PIGU: variants seen among roughly 807,000 people sequenced by gnomAD.
PIGU encodes the protein phosphatidylinositol glycan anchor biosynthesis class U.
In PIGU, 24 loss-of-function variants were observed where a neutral mutation model predicts 49.9. The ratio of observed to expected loss-of-function variants is 0.48; its 90% CI spans 0.35 to 0.68. PIGU has a LOEUF of 0.68. Among genes scored for constraint, PIGU ranks in the 30% least tolerant of loss-of-function variants. The pLI, the probability that PIGU is intolerant of heterozygous loss-of-function variation, is 0.01. For missense variants in PIGU, 490 were observed against 532.6 expected, an observed-to-expected ratio of 0.92 and a Z score of 0.79; for synonymous variants, 220 against 205.7, an observed-to-expected ratio of 1.07 and a Z score of -0.59.
chr20:34,609,494 A>C (rs1364208811), intron 7 of PIGU, among the ~76,000 whole-genome samples: 1 of 151,974 alleles, frequency 6.6e-6, no homozygotes, highest in Non-Finnish European at 1.5e-5. Context: ...CCTCCTGAGT[A>C]GCTAGGACTG....
At chr20:34,662,396 CTT>C (rs34871084) in intron 1 of PIGU, among the ~76,000 whole-genome samples, 10 of 131,240 alleles carry the variant, frequency 7.6e-5, no homozygotes, top group Non-Finnish European at 6.4e-5. Context: ...AGCCCTTTGC[CTT>C]TTTTTTTTTT....
chr20:34,579,091 C>A (rs1401967350), intron 10 of PIGU: 2 of 152,188 alleles, frequency 1.3e-5, no homozygotes, highest in African/African-American at 4.8e-5. Flanking sequence ...TGGTGATATT[C>A]CCTTTCTTAA....
chr20:34,622,244 C>T (rs192784012), intron 6 of PIGU, among the ~76,000 whole-genome samples: 3 of 152,224 alleles, frequency 2.0e-5, no homozygotes, highest in Admixed American at 6.5e-5. Flanking sequence ...TCCGGCTGGG[C>T]GTGGTGGCTC....
intron 7 of PIGU, among the ~76,000 whole-genome samples, chr20:34,614,974 A>C (rs1241386878): frequency 1.3e-5 from 2 of 152,206 alleles, no homozygotes; most frequent in Admixed American, 1.3e-4. Context: ...TTCCTCTTGA[A>C]GAAACATGTA....
At chr20:34,612,695 C>A (rs976247770) in intron 7 of PIGU, among the ~76,000 whole-genome samples, 11 of 150,952 alleles carry the variant, frequency 7.3e-5, no homozygotes, top group Admixed American at 2.0e-4. Flanking sequence ...GCGATCTAGG[C>A]TCCTGCAACC....
chr20:34,574,730 G>C (rs1363239503), intron 11 of PIGU, among the ~76,000 whole-genome samples: 1 of 152,120 alleles, frequency 6.6e-6, no homozygotes, highest in Non-Finnish European at 1.5e-5. Flanking sequence ...CACCATTACA[G>C]AAAGGGGTGC....
At chr20:34,587,272 T>C (rs898850760) in intron 8 of PIGU, among the ~76,000 whole-genome samples, 3 of 152,218 alleles carry the variant, frequency 2.0e-5, no homozygotes, top group African/African-American at 4.8e-5. Context: ...TGCTATTTAA[T>C]ATAAAGGCTT....
At chr20:34,575,669 G>A (rs1432611114) in intron 10 of PIGU, among the ~76,000 whole-genome samples, 1 of 152,092 alleles carries the variant, frequency 6.6e-6, no homozygotes, top group East Asian at 1.9e-4. Flanking sequence ...GAACCGTGAC[G>A]ATTAGAGCCC....
At chr20:34,620,704 G>A (rs905194406) in intron 6 of PIGU, among the ~76,000 whole-genome samples, 3 of 151,672 alleles carry the variant, frequency 2.0e-5, no homozygotes, top group South Asian at 2.1e-4. Flanking sequence ...CCAGCTACTC[G>A]GGAGGCTGAG....
chr20:34,634,580 G>A lies in PIGU; in HGVS notation c.529+35C>T. ...TGTTGCAAAATCTTGCATAAATCAG[G>A]GACTGACCTTTGTACTCTCCTTTCA... On this transcript the variant is annotated intron_variant, in intron 6 of 11. Transcript: ENST00000217446. 5 of 1,598,184 alleles carry A rather than the reference G, an allele frequency of 3.1e-6. 1 individual carries two copies. The South Asian group carries it at 4.5e-5, about 14-fold the overall frequency.
chr20:34,671,706 G>A (rs1189001989), intron 1 of PIGU, among the ~76,000 whole-genome samples: 2 of 152,014 alleles, frequency 1.3e-5, no homozygotes, highest in Admixed American at 6.6e-5. Context: ...GATCACCTGA[G>A]ATCAGGAGTT....
chr20:34,616,854 C>T (rs1221697316), intron 6 of PIGU, among the ~76,000 whole-genome samples: 3 of 152,166 alleles, frequency 2.0e-5, no homozygotes, highest in African/African-American at 7.2e-5. Flanking sequence ...TAACTCACGC[C>T]TATAATCCCA....
At chr20:34,659,175 G>A (rs1301971771) in intron 1 of PIGU, among the ~76,000 whole-genome samples, 31 of 133,892 alleles carry the variant, frequency 2.3e-4, no homozygotes, top group African/African-American at 7.0e-4. Flanking sequence ...CCCTCTGCCC[G>A]GCCAGCCGCC....
At chr20:34,571,711 G>C (rs1469641593) in intron 11 of PIGU, among the ~76,000 whole-genome samples, 1 of 152,142 alleles carries the variant, frequency 6.6e-6, no homozygotes, top group Admixed American at 6.5e-5. Context: ...GTGGGACAAG[G>C]GGACCTCATG....
chr20:34,662,213 C>A (rs753416728), intron 1 of PIGU, among the ~76,000 whole-genome samples: 1 of 152,056 alleles, frequency 6.6e-6, no homozygotes, highest in Non-Finnish European at 1.5e-5. Context: ...GTTGGGACTT[C>A]AGGTGTGCAT....
At chr20:34,582,514 T>C (rs1348246215) in intron 9 of PIGU, among the ~76,000 whole-genome samples, 1 of 152,002 alleles carries the variant, frequency 6.6e-6, no homozygotes, top group Non-Finnish European at 1.5e-5. Context: ...ATCTCATCTC[T>C]ACAAAAAATT....
chr20:34,675,820 G>A (rs1027309976), intron 1 of PIGU, among the ~76,000 whole-genome samples: 4 of 151,778 alleles, frequency 2.6e-5, no homozygotes, highest in Non-Finnish European at 5.9e-5. Flanking sequence ...GACCAGCCTG[G>A]GCAACATAGA....
At chr20:34,574,333 C>T (rs893939403) in intron 11 of PIGU, among the ~76,000 whole-genome samples, 1 of 152,178 alleles carries the variant, frequency 6.6e-6, no homozygotes, top group Admixed American at 6.5e-5. Context: ...ATCAGAGAAC[C>T]TGGCTTTTTA....
At chr20:34,576,621 A>T (rs777608327) in intron 10 of PIGU, among the ~76,000 whole-genome samples, 47 of 151,924 alleles carry the variant, frequency 3.1e-4, no homozygotes, top group African/African-American at 1.1e-3. Context: ...TCTTTTTTTT[A>T]AAATAGACTA....
Sources: allele counts gnomAD v4.1 joint callset (sites outside exome capture counted in the v4.1 genomes callset), GRCh38; gene constraint gnomAD v4.1.1; transcripts MANE v1.5; gene names NCBI Gene and HGNC (gene_info 2026-07-23, HGNC 2026-07-21).